FAM131B: variants seen among roughly 807,000 people sequenced by gnomAD.
The protein encoded by FAM131B is protein FAM131B.
A neutral mutation model predicts 42.0 loss-of-function variants in FAM131B; 19 were observed. The observed-to-expected ratio is 0.45, with a 90% CI of 0.32 to 0.66. The LOEUF (loss-of-function observed/expected upper bound fraction) is 0.66. Ranked by LOEUF, FAM131B falls within the 30% of genes least tolerant of loss-of-function variation. The pLI, the probability that FAM131B is intolerant of heterozygous loss-of-function variation, is 0.05. For synonymous variants in FAM131B, 183 were observed against 177.6 expected (o/e 1.03, Z -0.24); for missense variants, 370 against 468.4 (o/e 0.79, Z 1.94).
upstream of FAM131B, among the ~76,000 whole-genome samples, chr7:143,362,965 C>G (rs1339332718): frequency 7.9e-5 from 12 of 151,982 alleles, no homozygotes. The surrounding 1 kb of genome is among the most constrained non-coding windows in gnomAD (Gnocchi z 7.7). Context: ...AGCCCCGCTC[C>G]CGGGGCTCTC....
chr7:143,356,186 C>T lies in FAM131B; in HGVS notation c.*364G>A, dbSNP rs879585871. The T allele has an allele frequency of 1.7e-5, 4 of 237,646 alleles. No individual in the cohort carries two copies. Among genetic ancestry groups the T allele is most frequent in the East Asian group, 8.9e-5 (1 of 11,262 alleles). 14.7% of individuals were successfully genotyped at this position (237,646 alleles called of 1,614,324 possible). On this transcript the variant is annotated 3_prime_UTR_variant, in exon 7 of 7. Coordinates refer to ENST00000443739, the MANE Select transcript of FAM131B (RefSeq NM_001031690.3). This position sits in a 1 kb window ranked among gnomAD's most constrained non-coding sequence, Gnocchi z 4.4. Reference sequence around the variant, plus strand: ...AGTTACAGCTCCTGGAAGACGAAATCGGGGCGTGAAGAACTGAGATCCAGT... The same window carrying T: ...AGTTACAGCTCCTGGAAGACGAAATTGGGGCGTGAAGAACTGAGATCCAGT...
the FAM131B span, among the ~76,000 whole-genome samples, chr7:143,371,920 C>G: frequency 1.3e-5 from 2 of 152,080 alleles, no homozygotes; most frequent in Non-Finnish European, 2.9e-5. Context: ...GGCCAGAGAG[C>G]ATGTGGGATT....
At chr7:143,365,900 C>T (rs949124570), upstream of FAM131B, among the ~76,000 whole-genome samples, 47 of 152,314 alleles carry the variant, frequency 3.1e-4, 1 homozygote, top group South Asian at 8.3e-4. Flanking sequence ...TGAGCCACCA[C>T]GCCTGGCTTA....
Position 143,356,537 on chromosome 7 carries a change from T to C in FAM131B, c.*13A>G, listed in dbSNP as rs747526329. ...TCAGGTGGGAGTGGAAGGCAGGGCA[T>C]TGGGGGAGGAAACTAGTTGTTGGCC... On this transcript the variant is annotated 3_prime_UTR_variant, in exon 7 of 7. Transcript: ENST00000443739. The surrounding 1 kb of genome is among the most constrained non-coding windows in gnomAD (Gnocchi z 4.4). 3.1e-5 allele frequency: 50 copies of C among 1,591,490 alleles called. No homozygotes were observed. Among genetic ancestry groups the C allele is most frequent in the Non-Finnish European group, 3.7e-5 (43 of 1,161,056 alleles).
Position 143,359,925 on chromosome 7 carries a change from G to A in FAM131B, c.138+115C>T. 1 of 1,003,410 alleles carries A rather than the reference G, an allele frequency of 1.0e-6. No homozygotes were observed. The highest frequency in any genetic ancestry group is 1.5e-6 in the Non-Finnish European group (1 of 652,130). The allele number at this position is 1,003,410 out of a possible 1,614,324, so 62.2% of individuals were successfully genotyped here. Reference sequence around the variant, plus strand: ...GTTCTCCATGTGGACTGCTTGGCATGTGTTGTGAGAAATGTTCTGTAGAAG... The same window carrying A: ...GTTCTCCATGTGGACTGCTTGGCATATGTTGTGAGAAATGTTCTGTAGAAG... On this transcript the variant is annotated intron_variant, in intron 2 of 6. Transcript: ENST00000443739. This position sits in a 1 kb window ranked among gnomAD's most constrained non-coding sequence, Gnocchi z 5.4.
chr7:143,368,055 C>T, the FAM131B span, among the ~76,000 whole-genome samples: 8 of 152,356 alleles, frequency 5.3e-5, no homozygotes, highest in Admixed American at 3.3e-4. Flanking sequence ...GCCTGCATAT[C>T]TGCCAGAGAG....
chr7:143,369,154 CTTAGTAAGTGGCTGAG>C, the FAM131B span, among the ~76,000 whole-genome samples: 7 of 152,206 alleles, frequency 4.6e-5, no homozygotes, highest in Non-Finnish European at 7.3e-5. Flanking sequence ...CAGTCACACA[CTTAGTAAGTGGCTGAG>C]TTAGTAAGTG....
upstream of FAM131B, chr7:143,364,360 G>C (rs1804129951): frequency 6.6e-6 from 1 of 151,666 alleles, no homozygotes; most frequent in Non-Finnish European, 1.5e-5. Context: ...TTTGAGCAGA[G>C]AAAACGCTGA....
chr7:143,371,995 G>A, the FAM131B span, among the ~76,000 whole-genome samples: 3 of 152,118 alleles, frequency 2.0e-5, no homozygotes, highest in African/African-American at 7.2e-5. Context: ...TTTTCTCCTT[G>A]CAACAGGAAG....
the FAM131B span, chr7:143,380,160 G>A: frequency 1.0e-6 from 1 of 985,118 alleles, no homozygotes; most frequent in South Asian, 4.7e-5. This position sits in a 1 kb window ranked among gnomAD's most constrained non-coding sequence, Gnocchi z 5.0. Flanking sequence ...CTGGACTAGC[G>A]GGCGAAAGGC....
chr7:143,374,075 G>T, the FAM131B span, among the ~76,000 whole-genome samples: 1 of 152,082 alleles, frequency 6.6e-6, no homozygotes, highest in Non-Finnish European at 1.5e-5. Context: ...TGCAATATTT[G>T]ATAGGTGATT....
chr7:143,369,805 G>A, the FAM131B span, among the ~76,000 whole-genome samples: 1 of 152,146 alleles, frequency 6.6e-6, no homozygotes. Flanking sequence ...TTAAGAATGG[G>A]TACTTAATCC....
the FAM131B span, chr7:143,380,763 C>T: frequency 1.7e-4 from 164 of 985,278 alleles, no homozygotes; most frequent in Non-Finnish European, 1.9e-4. The surrounding 1 kb of genome is among the most constrained non-coding windows in gnomAD (Gnocchi z 5.0). Context: ...AGGGAGAACG[C>T]CCCGCTCCTC....
At chr7:143,363,859 C>T, upstream of FAM131B, 1 of 152,174 alleles carries the variant, frequency 6.6e-6, no homozygotes, top group East Asian at 1.9e-4. Flanking sequence ...GGGCTCCTAA[C>T]AGGGAGGCTA....
chr7:143,378,600 G>A, the FAM131B span, among the ~76,000 whole-genome samples: 1 of 134,940 alleles, frequency 7.4e-6, no homozygotes, highest in Admixed American at 8.2e-5. Flanking sequence ...TTGAGATGGA[G>A]TCTCACTCTG....
the FAM131B span, among the ~76,000 whole-genome samples, chr7:143,371,138 A>G: frequency 2.0e-5 from 3 of 151,938 alleles, no homozygotes; most frequent in African/African-American, 7.3e-5. Flanking sequence ...TACCTACTCT[A>G]TGTCAGTACC....
the FAM131B span, among the ~76,000 whole-genome samples, chr7:143,370,534 A>C: frequency 6.6e-6 from 1 of 152,236 alleles, no homozygotes; most frequent in Non-Finnish European, 1.5e-5. Flanking sequence ...AACAGGTTGC[A>C]GTAAAGAAGC....
In FAM131B at chr7:143,358,168, C is replaced by T. The variant is rs1361778968; in HGVS notation, c.466+659G>A. On this transcript the variant is annotated intron_variant, in intron 5 of 6. Coordinates refer to ENST00000443739, the MANE Select transcript of FAM131B (RefSeq NM_001031690.3). The surrounding 1 kb of genome is among the most constrained non-coding windows in gnomAD (Gnocchi z 4.7). ...GTGTTGAAGCTGGTACTGCTCCTGC[C>T]CCCCACCCTACATGTTTGTCACCCT... is the stretch of plus-strand genomic sequence containing the variant. Among the ~76,000 whole-genome samples, 1 of 152,028 alleles carries T rather than the reference C, an allele frequency of 6.6e-6. No individual in the cohort carries two copies. The highest frequency in any genetic ancestry group is 1.5e-5 in the Non-Finnish European group (1 of 67,984).
chr7:143,379,011 A>G, the FAM131B span, among the ~76,000 whole-genome samples: 4 of 152,244 alleles, frequency 2.6e-5, no homozygotes, highest in African/African-American at 9.6e-5. Context: ...TTGTTTGAAT[A>G]TTCCGCATTC....
Sources: gnomAD v4.1 joint callset for allele counts (sites outside exome capture counted in the v4.1 genomes callset) on GRCh38, gnomAD v4.1.1 for gene constraint, Gnocchi (gnomAD v3.1) non-coding constraint, MANE v1.5 for transcripts, NCBI Gene and HGNC (gene_info 2026-07-23, HGNC 2026-07-21) for gene names.